The following KIF26B variants were observed in gnomAD, a reference collection of about 807,000 sequenced individuals.
The protein encoded by KIF26B is kinesin-like protein KIF26B.
KIF26B carries 63 observed loss-of-function variants against 151.2 expected under a neutral mutation model. The observed-to-expected ratio is 0.42, with a 90% CI of 0.34 to 0.51. KIF26B has a LOEUF of 0.51. Ranked by LOEUF, KIF26B falls within the 20% of genes least tolerant of loss-of-function variation. KIF26B has a pLI of 0.07. For synonymous variants in KIF26B, 1,357 were observed against 1,262.1 expected (o/e 1.08, Z -1.59); for missense variants, 2,813 against 2,913.6 (o/e 0.97, Z 0.79).
At chr1:245,701,717 T>C (rs945390356) in intron 14 of KIF26B, among the ~76,000 whole-genome samples, 1 of 152,210 alleles carries the variant, frequency 6.6e-6, no homozygotes, top group Non-Finnish European at 1.5e-5. Flanking sequence ...TTAAAGACAC[T>C]GTCAGCAGAG....
At chr1:245,489,214 A>G (rs1434508774) in intron 4 of KIF26B, among the ~76,000 whole-genome samples, 1 of 152,198 alleles carries the variant, frequency 6.6e-6, no homozygotes, top group Non-Finnish European at 1.5e-5. Context: ...TCTTGAATAA[A>G]CTTATTGAAA....
intron 4 of KIF26B, among the ~76,000 whole-genome samples, chr1:245,471,775 C>A (rs1466689793): frequency 1.3e-5 from 2 of 149,578 alleles, no homozygotes; most frequent in Admixed American, 6.7e-5. Context: ...AGACAAGCCC[C>A]CTGCTCTCTT....
chr1:245,500,269 A>G (rs1256230328), intron 4 of KIF26B, among the ~76,000 whole-genome samples: 1 of 152,186 alleles, frequency 6.6e-6, no homozygotes, highest in Non-Finnish European at 1.5e-5. Context: ...TGGGAGTGAC[A>G]CCTGTCCCAG....
intron 5 of KIF26B, among the ~76,000 whole-genome samples, chr1:245,576,503 G>A (rs572091734): frequency 6.6e-6 from 1 of 152,170 alleles, no homozygotes; most frequent in Non-Finnish European, 1.5e-5. Context: ...CAGTGGGAGG[G>A]GGCCCCAAGC....
intron 4 of KIF26B, among the ~76,000 whole-genome samples, chr1:245,475,347 C>G (rs1192167016): frequency 6.6e-6 from 1 of 151,768 alleles, no homozygotes; most frequent in Non-Finnish European, 1.5e-5. Flanking sequence ...TGAGCGAAGA[C>G]TTGGTTGAGT....
intron 12 of KIF26B, among the ~76,000 whole-genome samples, chr1:245,693,374 G>A (rs2044651285): frequency 6.6e-6 from 1 of 152,210 alleles, no homozygotes; most frequent in Non-Finnish European, 1.5e-5. Context: ...CCTGCTTGGT[G>A]CCCAGCACTG....
At chr1:245,519,017 C>T (rs1276087352) in intron 4 of KIF26B, among the ~76,000 whole-genome samples, 2 of 152,052 alleles carry the variant, frequency 1.3e-5, no homozygotes, top group African/African-American at 2.4e-5. Context: ...GGCTTTACCC[C>T]GCAGAAGCTT....
chr1:245,570,138 G>A (rs986144228), intron 5 of KIF26B, among the ~76,000 whole-genome samples: 4 of 151,600 alleles, frequency 2.6e-5, no homozygotes, highest in Non-Finnish European at 5.9e-5. Flanking sequence ...GGGTTTCATC[G>A]TGTTAGCCAG....
At chr1:245,378,251 G>A (rs936878648) in intron 3 of KIF26B, among the ~76,000 whole-genome samples, 2 of 151,506 alleles carry the variant, frequency 1.3e-5, no homozygotes, top group African/African-American at 4.9e-5. Context: ...AAGATGCTGT[G>A]TGCCTTCAAG....
At chr1:245,524,462 C>T (rs539778799) in intron 4 of KIF26B, among the ~76,000 whole-genome samples, 11 of 152,224 alleles carry the variant, frequency 7.2e-5, no homozygotes, top group African/African-American at 2.6e-4. Flanking sequence ...ACCTAGTCTT[C>T]CTTTGAGGAT....
chr1:245,316,088 T>A (rs1482915791), intron 2 of KIF26B, among the ~76,000 whole-genome samples: 2 of 151,918 alleles, frequency 1.3e-5, no homozygotes, highest in African/African-American at 2.4e-5. Flanking sequence ...ATGACCGCAC[T>A]GCAAGGAAAA....
intron 3 of KIF26B, among the ~76,000 whole-genome samples, chr1:245,394,576 T>C (rs1002781659): frequency 6.6e-6 from 1 of 151,860 alleles, no homozygotes. Flanking sequence ...AGAGCCAAGA[T>C]TGCACCACTG....
intron 2 of KIF26B, among the ~76,000 whole-genome samples, chr1:245,251,265 A>C (rs1396275262): frequency 6.6e-6 from 1 of 152,224 alleles, no homozygotes; most frequent in Non-Finnish European, 1.5e-5. Flanking sequence ...CACTCTTACC[A>C]GTTCTAGGAA....
chr1:245,160,654 T>TAAA (rs562217613), intron 2 of KIF26B, among the ~76,000 whole-genome samples: 7 of 145,268 alleles, frequency 4.8e-5, no homozygotes, highest in African/African-American at 1.7e-4. Context: ...ATCTTTTATG[T>TAAA]AAAAAAAAAA....
intron 9 of KIF26B, among the ~76,000 whole-genome samples, chr1:245,629,740 C>T (rs2043760434): frequency 6.6e-6 from 1 of 152,122 alleles, no homozygotes; most frequent in African/African-American, 2.4e-5. Context: ...CCACAATTGA[C>T]AAATGGGATC....
rs569358521 is a variant in KIF26B at position 245,168,098 on chromosome 1, G to GTAA, written c.465+11416_465+11417insAAT. ...TTGTAATCTAAGAGCATGGTAGTCG[G>GTAA]TGGGCTCTAAGCTTCTCCCAAGCCT... On this transcript the variant is annotated intron_variant, in intron 2 of 14. Coordinates refer to ENST00000407071, the MANE Select transcript of KIF26B (RefSeq NM_018012.4). Among the ~76,000 whole-genome samples, 15 of 152,328 alleles carry GTAA rather than the reference G, an allele frequency of 9.8e-5. No individual in the cohort carries two copies. The South Asian group carries it at 2.9e-3, about 29-fold the overall frequency.
At chr1:245,225,270 C>G (rs1056399897) in intron 2 of KIF26B, among the ~76,000 whole-genome samples, 23 of 152,214 alleles carry the variant, frequency 1.5e-4, no homozygotes, top group African/African-American at 5.1e-4. Context: ...AGTTAAAGCG[C>G]TGTTGTTTAA....
intron 11 of KIF26B, among the ~76,000 whole-genome samples, chr1:245,685,077 T>C (rs1006068664): frequency 7.9e-5 from 12 of 152,246 alleles, no homozygotes; most frequent in Admixed American, 5.2e-4. Context: ...AAATAGCGTT[T>C]CTTAACCAGA....
At chr1:245,199,701 C>T (rs574851420) in intron 2 of KIF26B, among the ~76,000 whole-genome samples, 7 of 152,198 alleles carry the variant, frequency 4.6e-5, no homozygotes, top group African/African-American at 9.6e-5. Context: ...CAGGCTTGGT[C>T]GCAAACTCCT....
Sources: allele counts gnomAD v4.1 joint callset (sites outside exome capture counted in the v4.1 genomes callset), GRCh38; gene constraint gnomAD v4.1.1; transcripts MANE v1.5; gene names NCBI Gene and HGNC (gene_info 2026-07-23, HGNC 2026-07-21).